FOSL2: variants seen among roughly 807,000 people sequenced by gnomAD.
FOSL2 encodes the protein fos-related antigen 2.
FOSL2 carries 3 observed loss-of-function variants against 27.7 expected under a neutral mutation model. The ratio of observed to expected loss-of-function variants is 0.11; its 90% CI spans 0.05 to 0.28. The LOEUF is 0.28. FOSL2 is among the 10% of genes least tolerant of loss of function. The probability of loss-of-function intolerance (pLI) is 1.00; values close to 1 mark genes in which losing one functional copy is unlikely to be tolerated. For synonymous variants in FOSL2, 179 were observed against 190.1 expected (o/e 0.94, Z 0.48); for missense variants, 333 against 445.1 (o/e 0.75, Z 2.27).
Position 28,393,227 on chromosome 2 carries a change from A to G in FOSL2, c.-494A>G, listed in dbSNP as rs544135500. 1.2e-4 allele frequency: 27 copies of G among 223,724 alleles called. No individual in the cohort carries two copies. In the Admixed American group the frequency reaches 1.2e-3, roughly 10 times the overall value. The allele number at this position is 223,724 out of a possible 1,614,324, so 13.9% of individuals were successfully genotyped here. On this transcript the variant is annotated 5_prime_UTR_variant, in exon 1 of 4. Transcript: ENST00000264716. The surrounding 1 kb of genome is among the most constrained non-coding windows in gnomAD (Gnocchi z 4.6). ...AAGTTTATTCTCCGGCTCCTTTTCT[A>G]AAAGGAAGAAACAGAAGTTTCTCCC...
At chr2:28,395,768 AT>A (rs1663820148) in intron 1 of FOSL2, 1 of 152,162 alleles carries the variant, frequency 6.6e-6, no homozygotes, top group African/African-American at 2.4e-5. Context: ...AACCGGAGGG[AT>A]TGGCAAGGTA....
rs1664250803 is a variant in FOSL2 at position 28,413,464 on chromosome 2, T to C, written c.*1016T>C. The C allele has an allele frequency of 2.5e-6, 1 of 398,636 alleles. No homozygotes were observed. Among genetic ancestry groups the C allele is most frequent in the African/African-American group, 2.1e-5 (1 of 48,710 alleles). The allele number at this position is 398,636 out of a possible 1,614,324, so 24.7% of individuals were successfully genotyped here. ...CTTTCCCCCACCCTGGCTCTCAGGG[T>C]GACGCCACCCACAGAGATTTAATGA... On this transcript the variant is annotated 3_prime_UTR_variant, in exon 4 of 4. Transcript: ENST00000264716.
chr2:28,396,484 C>T (rs1297828679), intron 1 of FOSL2, among the ~76,000 whole-genome samples: 1 of 151,856 alleles, frequency 6.6e-6, no homozygotes, highest in Non-Finnish European at 1.5e-5. Flanking sequence ...TTTTTTCTCT[C>T]CTAACTTTCC....
At position 28,417,020 on chromosome 2, in the gene FOSL2, A is replaced by G. The variant is rs1664324352; in HGVS notation, c.*4572A>G. On this transcript the variant is annotated 3_prime_UTR_variant, in exon 4 of 4. Transcript: ENST00000264716. ...GGAGAGTCTCCTAAATAGACCTTCC[A>G]GGCAGAACCGCAAGCTCAAAATCTT... 1 of 148,728 alleles carries G rather than the reference A, an allele frequency of 6.7e-6. No individual in the cohort carries two copies. Among genetic ancestry groups the G allele is most frequent in the South Asian group, 2.1e-4 (1 of 4,728 alleles). 9.2% of individuals were successfully genotyped at this position (148,728 alleles called of 1,614,324 possible).
rs138170493 is a variant in FOSL2 at position 28,408,992 on chromosome 2, A to C, written c.462+126A>C. 1 of 580,538 alleles carries C rather than the reference A, an allele frequency of 1.7e-6. No individual in the cohort carries two copies. Among genetic ancestry groups the C allele is most frequent in the Non-Finnish European group, 3.0e-6 (1 of 334,026 alleles). 36.0% of individuals were successfully genotyped at this position (580,538 alleles called of 1,614,324 possible). A position where few individuals can be genotyped will look rare whatever the true frequency, so the allele number is the denominator to read the frequency against. On this transcript the variant is annotated intron_variant, in intron 3 of 3. Transcript: ENST00000264716. The surrounding 1 kb of genome is among the most constrained non-coding windows in gnomAD (Gnocchi z 4.1). ...ATGCCCTACAGATGAGTCAGTGGAG[A>C]TAGAGCTTTCCTTCCTTTGGACACA...
chr2:28,409,704 G>C (rs1664152406), intron 3 of FOSL2, among the ~76,000 whole-genome samples: 1 of 152,196 alleles, frequency 6.6e-6, no homozygotes, highest in Non-Finnish European at 1.5e-5. Flanking sequence ...GACTGCCCAG[G>C]ATGGGGCTTT....
Position 28,393,833 on chromosome 2 carries a change from G to A in FOSL2, c.102+11G>A, listed in dbSNP as rs771939813. On this transcript the variant is annotated intron_variant, in intron 1 of 3. Coordinates refer to ENST00000264716, the MANE Select transcript of FOSL2 (RefSeq NM_005253.4). This position sits in a 1 kb window ranked among gnomAD's most constrained non-coding sequence, Gnocchi z 4.6. Reference sequence around the variant, plus strand: ...GGCGGCGGCCAGCAGGTAGGTGCGGGCCCCGGTGCACCTGGCGGCGCGGGC... The same window carrying A: ...GGCGGCGGCCAGCAGGTAGGTGCGGACCCCGGTGCACCTGGCGGCGCGGGC... 6.3e-6 allele frequency: 10 copies of A among 1,576,122 alleles called. No homozygotes were observed. The highest frequency in any genetic ancestry group is 7.8e-6 in the Non-Finnish European group (9 of 1,159,216).
chr2:28,414,365 A>C lies in FOSL2; in HGVS notation c.*1917A>C, dbSNP rs1267292893. Reference sequence around the variant, plus strand: ...GAAAGGAGGGTTTCAAAGAAAAAGGATTTTGTTTAAAATACTTTAAAAATG... The same window carrying C: ...GAAAGGAGGGTTTCAAAGAAAAAGGCTTTTGTTTAAAATACTTTAAAAATG... On this transcript the variant is annotated 3_prime_UTR_variant, in exon 4 of 4. Transcript: ENST00000264716. The C allele has an allele frequency of 6.6e-6, 1 of 152,368 alleles. No homozygotes were observed. The highest frequency in any genetic ancestry group is 6.5e-5 in the Admixed American group (1 of 15,290). The allele number at this position is 152,368 out of a possible 1,614,324, so 9.4% of individuals were successfully genotyped here.
chr2:28,404,593 C>G lies in FOSL2; in HGVS notation c.354+235C>G, dbSNP rs1664040959. 6.6e-6 allele frequency among the ~76,000 whole-genome samples: 1 copy of G among 152,170 alleles called. No homozygotes were observed. The highest frequency in any genetic ancestry group is 2.4e-5 in the African/African-American group (1 of 41,434). Reference sequence around the variant, plus strand: ...TAGAATCTCTGAGTCTCACTTTCCTCAGCCACAAAATGGGGATCATGGTCC... The same window carrying G: ...TAGAATCTCTGAGTCTCACTTTCCTGAGCCACAAAATGGGGATCATGGTCC... On this transcript the variant is annotated intron_variant, in intron 2 of 3. Transcript: ENST00000264716. This position sits in a 1 kb window ranked among gnomAD's most constrained non-coding sequence, Gnocchi z 4.7.
rs1288059837 is a variant in FOSL2, at chr2:28,415,529, T to G, written c.*3081T>G. ...TGGGGAAAGGAATCTCCCTCTCCTC[T>G]CACTTGATTCCAAGTGTGGTTGAAT... On this transcript the variant is annotated 3_prime_UTR_variant, in exon 4 of 4. Transcript: ENST00000264716. The G allele has an allele frequency of 6.6e-6, 1 of 152,228 alleles. No individual in the cohort carries two copies. Among genetic ancestry groups the G allele is most frequent in the African/African-American group, 2.4e-5 (1 of 41,452 alleles). 9.4% of individuals were successfully genotyped at this position (152,228 alleles called of 1,614,324 possible).
Position 28,393,943 on chromosome 2 carries a change from G to T in FOSL2, c.102+121G>T. 2.8e-6 allele frequency: 2 copies of T among 725,858 alleles called. No individual in the cohort carries two copies. Among genetic ancestry groups the T allele is most frequent in the Admixed American group, 2.9e-5 (1 of 34,416 alleles). The allele number at this position is 725,858 out of a possible 1,614,324, so 45.0% of individuals were successfully genotyped here. Reference sequence around the variant, plus strand: ...GAGAAAATACCTACGGGCCACCGTTGTAAGTTCTGGATTTTCGTCCTCCCC... The same window carrying T: ...GAGAAAATACCTACGGGCCACCGTTTTAAGTTCTGGATTTTCGTCCTCCCC... On this transcript the variant is annotated intron_variant, in intron 1 of 3. Transcript: ENST00000264716. The surrounding 1 kb of genome is among the most constrained non-coding windows in gnomAD (Gnocchi z 4.6).
chr2:28,397,758 C>A (rs1173902141), intron 1 of FOSL2, among the ~76,000 whole-genome samples: 1 of 152,228 alleles, frequency 6.6e-6, no homozygotes, highest in Non-Finnish European at 1.5e-5. Context: ...AAATGCTTAT[C>A]TGAATGCTGC....
At chr2:28,396,789 G>GACACACAC (rs60104109) in intron 1 of FOSL2, 3,805 of 112,184 alleles carry the variant, frequency 0.034, 127 homozygotes, top group East Asian at 0.093. Context: ...CCCTTCCCAA[G>GACACACAC]ACACACACAC....
At position 28,412,291 on chromosome 2, in the gene FOSL2, C is replaced by T. The variant is rs552837522; in HGVS notation, c.824C>T (p.Pro275Leu). Reference sequence around the variant, plus strand: ...GTGACCTCCACACCTGCTGTCACTCCGGGCACCTCGAACCTCGTCTTCACC... The same window carrying T: ...GTGACCTCCACACCTGCTGTCACTCTGGGCACCTCGAACCTCGTCTTCACC... The part of the protein sequence containing the change: ...IVVTSTPAVT[P>L]GTSNLVFTYP... The change falls in exon 4 of 4, where the codon CCG becomes CTG. Residue 275 changes from proline (P) to leucine (L), a missense_variant. Physicochemically the swap from Pro to Leu is moderately conservative, Grantham distance 98. Transcript: ENST00000264716. This position sits in a 1 kb window ranked among gnomAD's most constrained non-coding sequence, Gnocchi z 7.1. 29 of 1,614,098 alleles carry T rather than the reference C, an allele frequency of 1.8e-5. No individual in the cohort carries two copies. Among genetic ancestry groups the T allele is most frequent in the Non-Finnish European group, 2.3e-5 (27 of 1,180,010 alleles).
intron 3 of FOSL2, chr2:28,410,510 T>C: frequency 1.0e-6 from 1 of 984,646 alleles, no homozygotes; most frequent in Non-Finnish European, 1.2e-6. Flanking sequence ...GTCAGACCCT[T>C]GAGACAGACG....
intron 3 of FOSL2, among the ~76,000 whole-genome samples, chr2:28,409,404 C>T (rs1294465364): frequency 1.3e-5 from 2 of 152,166 alleles, no homozygotes; most frequent in African/African-American, 2.4e-5. Flanking sequence ...TATGGGCAGG[C>T]GGGTTCCCCA....
rs1664295990 is a variant in FOSL2 at position 28,415,587 on chromosome 2, C to T, written c.*3139C>T. On this transcript the variant is annotated 3_prime_UTR_variant, in exon 4 of 4. Transcript: ENST00000264716. ...AGCACTGGGACTTTTTTTCTCTTTT[C>T]CTTGATGGACCAACAGTGCAAATGC... 1 of 152,160 alleles carries T rather than the reference C, an allele frequency of 6.6e-6. No homozygotes were observed. The highest frequency in any genetic ancestry group is 1.5e-5 in the Non-Finnish European group (1 of 68,032). 9.4% of individuals were successfully genotyped at this position (152,160 alleles called of 1,614,324 possible).
rs1414829091 is a variant in FOSL2, at chr2:28,417,147, G to A, written c.*4699G>A. ...TGTTGTTTTACTATATGTAATACAA[G>A]CCTACAGTATTTGCACTAAAGAAAG... On this transcript the variant is annotated 3_prime_UTR_variant, in exon 4 of 4. Coordinates refer to ENST00000264716, the MANE Select transcript of FOSL2 (RefSeq NM_005253.4). 2.6e-5 allele frequency: 4 copies of A among 151,882 alleles called. No individual in the cohort carries two copies. The highest frequency in any genetic ancestry group is 6.6e-5 in the Admixed American group (1 of 15,252). 9.4% of individuals were successfully genotyped at this position (151,882 alleles called of 1,614,324 possible).
At chr2:28,406,559 C>T (rs1249576910) in intron 2 of FOSL2, among the ~76,000 whole-genome samples, 1 of 152,218 alleles carries the variant, frequency 6.6e-6, no homozygotes, top group African/African-American at 2.4e-5. Flanking sequence ...ACCCACTTCT[C>T]CTGACCTTTG....
Sources: gnomAD v4.1 joint callset for allele counts (sites outside exome capture counted in the v4.1 genomes callset) on GRCh38, gnomAD v4.1.1 for gene constraint, Gnocchi (gnomAD v3.1) non-coding constraint, MANE v1.5 for transcripts, NCBI Gene and HGNC (gene_info 2026-07-23, HGNC 2026-07-21) for gene names.